The following TMEM114 variants were observed in gnomAD, a reference collection of about 807,000 sequenced individuals.
The protein encoded by TMEM114 is transmembrane protein 114.
TMEM114 carries 6 observed loss-of-function variants against 6.2 expected under a neutral mutation model. The observed-to-expected ratio is 0.97, with a 90% CI of 0.53 to 1.91. The LOEUF is 1.91. Among genes scored for constraint, TMEM114 ranks in the 40% most tolerant of loss-of-function variants. The probability of loss-of-function intolerance (pLI) is 0.01; values close to 1 mark genes in which losing one functional copy is unlikely to be tolerated. For synonymous variants in TMEM114, 104 were observed against 73.0 expected (o/e 1.42, Z -2.16); for missense variants, 218 against 158.3 (o/e 1.38, Z -2.02).
intron 2 of TMEM114, among the ~76,000 whole-genome samples, chr16:8,574,804 G>C (rs919498959): frequency 6.6e-6 from 1 of 152,140 alleles, no homozygotes; most frequent in African/African-American, 2.4e-5. Flanking sequence ...CGTGCTGCAA[G>C]CTGCCTTGAT....
chr16:8,570,451 C>A (rs1352232813), intron 3 of TMEM114, among the ~76,000 whole-genome samples: 2 of 152,182 alleles, frequency 1.3e-5, no homozygotes, highest in Non-Finnish European at 2.9e-5. Context: ...CCTGCCTCAG[C>A]CTCCTGAGTA....
At chr16:8,526,817 C>G in the TMEM114 span, 2 of 152,232 alleles carry the variant, frequency 1.3e-5, no homozygotes, top group Admixed American at 6.5e-5. Flanking sequence ...ATCCCCTGGT[C>G]TACAAGAAAA....
chr16:8,564,045 GTGAGTGAATGAGTAAA>G (rs1201727170), intron 2 of TMEM114, among the ~76,000 whole-genome samples: 1 of 151,186 alleles, frequency 6.6e-6, no homozygotes, highest in Non-Finnish European at 1.5e-5. Context: ...GACTGAATGA[GTGAGTGAATGAGTAAA>G]TGAGTGAGTG....
chr16:8,547,293 G>C (rs1287531372), intron 2 of TMEM114, among the ~76,000 whole-genome samples: 1 of 152,092 alleles, frequency 6.6e-6, no homozygotes, highest in Non-Finnish European at 1.5e-5. Context: ...GGTTAAGCAA[G>C]AACTCTAGAC....
rs1003861413 is a variant in TMEM114, at chr16:8,569,544, C to G, written c.*229G>C. On this transcript the variant is annotated 3_prime_UTR_variant, in exon 4 of 4. Coordinates refer to ENST00000620492, the MANE Select transcript of TMEM114 (RefSeq NM_001146336.2). The stretch of plus-strand genomic sequence containing the variant: ...TTATTTCTCGCGAAGCGGTTTGGCA[C>G]TCCCTCGGGCTCCTCCAGGCCACAC... 1 of 1,400,858 alleles carries G rather than the reference C, an allele frequency of 7.1e-7. No homozygotes were observed. The highest frequency in any genetic ancestry group is 9.3e-7 in the Non-Finnish European group (1 of 1,080,188). 86.8% of individuals were successfully genotyped at this position (1,400,858 alleles called of 1,614,324 possible).
chr16:8,550,449 G>C (rs1900804643), intron 2 of TMEM114, among the ~76,000 whole-genome samples: 1 of 151,030 alleles, frequency 6.6e-6, no homozygotes, highest in Non-Finnish European at 1.5e-5. Context: ...GGGAGGCCAA[G>C]GCGGGCGGAT....
At chr16:8,564,241 ATGAG>A (rs1282930507) in intron 2 of TMEM114, among the ~76,000 whole-genome samples, 1 of 6,260 alleles carries the variant, frequency 1.6e-4, no homozygotes. Context: ...GAGTTAGTGA[ATGAG>A]TGAGTGAGTG....
chr16:8,534,460 G>T (rs781545046), downstream of TMEM114, among the ~76,000 whole-genome samples: 1 of 152,162 alleles, frequency 6.6e-6, no homozygotes, highest in Non-Finnish European at 1.5e-5. Flanking sequence ...TTGCTTTGAG[G>T]GCTAATCATG....
chr16:8,588,632 C>G (rs1902388335), intron 2 of TMEM114, among the ~76,000 whole-genome samples: 1 of 152,176 alleles, frequency 6.6e-6, no homozygotes, highest in African/African-American at 2.4e-5. Context: ...AAGAACCAAC[C>G]AGGAATAAGA....
intron 2 of TMEM114, among the ~76,000 whole-genome samples, chr16:8,584,922 CAAAA>C (rs905674847): frequency 6.1e-5 from 3 of 49,208 alleles, no homozygotes; most frequent in African/African-American, 1.4e-4. Context: ...AACGCCGTCT[CAAAA>C]AAAAAAAAAA....
At chr16:8,537,255 C>T (rs1393554367), downstream of TMEM114, among the ~76,000 whole-genome samples, 1 of 152,144 alleles carries the variant, frequency 6.6e-6, no homozygotes, top group Non-Finnish European at 1.5e-5. Context: ...AATCCCAGCA[C>T]TTTGGGAGGC....
At chr16:8,561,833 T>G (rs1404352583) in intron 2 of TMEM114, among the ~76,000 whole-genome samples, 7 of 150,778 alleles carry the variant, frequency 4.6e-5, no homozygotes, top group African/African-American at 1.5e-4. Context: ...AATGAGTGAG[T>G]GAATGAGTGA....
intron 2 of TMEM114, among the ~76,000 whole-genome samples, chr16:8,577,672 T>C (rs1458363190): frequency 6.6e-6 from 1 of 151,818 alleles, no homozygotes; most frequent in East Asian, 1.9e-4. Context: ...CAACCTCCAC[T>C]TCCTGGGTTC....
chr16:8,554,966 C>T (rs76834968), intron 2 of TMEM114, among the ~76,000 whole-genome samples: 2,645 of 152,260 alleles, frequency 0.017, 129 homozygotes, highest in East Asian at 0.15. Flanking sequence ...CAGAAGTAAA[C>T]GTGGAAATAT....
intron 2 of TMEM114, among the ~76,000 whole-genome samples, chr16:8,555,466 T>C (rs34360872): frequency 0.46 from 69,132 of 151,850 alleles, 16,388 homozygotes; most frequent in African/African-American, 0.58. Context: ...TGAGCAGTAA[T>C]TTCCGGGTGG....
At chr16:8,545,502 T>C (rs369453618) in intron 2 of TMEM114, among the ~76,000 whole-genome samples, 12 of 152,234 alleles carry the variant, frequency 7.9e-5, no homozygotes, top group African/African-American at 2.9e-4. Context: ...TGCTATCAAG[T>C]TACATTTTGA....
intron 2 of TMEM114, among the ~76,000 whole-genome samples, chr16:8,556,891 G>C (rs1162106789): frequency 6.6e-6 from 1 of 152,182 alleles, no homozygotes; most frequent in Admixed American, 6.5e-5. Flanking sequence ...TGATCTCAAT[G>C]CTCCTCCCTG....
the TMEM114 span, among the ~76,000 whole-genome samples, chr16:8,529,411 A>C: frequency 4.6e-5 from 7 of 152,240 alleles, no homozygotes; most frequent in Admixed American, 4.6e-4. Context: ...TGGAAGCAGC[A>C]AAGTGGCAGC....
intron 2 of TMEM114, among the ~76,000 whole-genome samples, chr16:8,577,766 TA>T (rs1216699372): frequency 1.3e-5 from 2 of 152,034 alleles, no homozygotes; most frequent in Non-Finnish European, 2.9e-5. Context: ...GTATTTTTTT[TA>T]GTAGAGACGG....
Sources: gnomAD v4.1 joint callset for allele counts (sites outside exome capture counted in the v4.1 genomes callset) on GRCh38, gnomAD v4.1.1 for gene constraint, MANE v1.5 for transcripts, NCBI Gene and HGNC (gene_info 2026-07-23, HGNC 2026-07-21) for gene names.